FAAH2: variants seen among roughly 807,000 people sequenced by gnomAD.
FAAH2 encodes fatty-acid amide hydrolase 2.
Under a neutral mutation model 36.9 loss-of-function variants are expected in FAAH2, and 60 were observed. The observed-to-expected ratio is 1.63, with a 90% CI of 1.32 to 2.02. FAAH2 has a LOEUF of 2.02. Among genes scored for constraint, FAAH2 ranks in the 30% most tolerant of loss-of-function variants. The pLI, the probability that FAAH2 is intolerant of heterozygous loss-of-function variation, is 0.00. For synonymous variants in FAAH2, 214 were observed against 143.8 expected (o/e 1.49, Z -3.49); for missense variants, 689 against 397.5 (o/e 1.73, Z -6.23).
At chrX:57,392,537 G>C (rs2055191150) in intron 7 of FAAH2, 4 of 776,134 alleles carry the variant, frequency 5.2e-6, no homozygotes, top group Non-Finnish European at 7.6e-6. Flanking sequence ...GATCTTCTGG[G>C]CAGGGGCTGA....
the FAAH2 span, among the ~76,000 whole-genome samples, chrX:57,246,104 C>T: frequency 3.6e-5 from 4 of 111,911 alleles, no homozygotes; most frequent in Non-Finnish European, 3.8e-5. Flanking sequence ...CACCTCTATG[C>T]AAATATACTA....
chrX:57,480,212 A>C (rs919696086), intron 10 of FAAH2, among the ~76,000 whole-genome samples: 16 of 111,728 alleles, frequency 1.4e-4, no homozygotes, highest in African/African-American at 4.9e-4. Context: ...ATTCCTTCTG[A>C]AACTATTCCT....
At chrX:57,350,361 A>G (rs1278052243) in intron 5 of FAAH2, among the ~76,000 whole-genome samples, 2 of 110,432 alleles carry the variant, frequency 1.8e-5, no homozygotes, top group Non-Finnish European at 3.8e-5. Context: ...TCACTAGAAA[A>G]GCAATCACAC....
the FAAH2 span, among the ~76,000 whole-genome samples, chrX:57,201,112 A>G: frequency 2.0e-5 from 2 of 102,239 alleles, no homozygotes; most frequent in Non-Finnish European, 3.9e-5. Context: ...CCTGGCCTGT[A>G]AGGTTTTCAC....
chrX:57,206,847 T>A, the FAAH2 span, among the ~76,000 whole-genome samples: 1 of 112,072 alleles, frequency 8.9e-6, no homozygotes, highest in East Asian at 2.8e-4. Context: ...TTTACCTGAT[T>A]TTTTCTTAAT....
chrX:57,418,079 C>A (rs1201195957), intron 7 of FAAH2, among the ~76,000 whole-genome samples: 1 of 111,429 alleles, frequency 9.0e-6, no homozygotes, highest in Non-Finnish European at 1.9e-5. Context: ...CTCCCTCCCC[C>A]CACCATGCCA....
At position 57,310,734 on chromosome X, in the gene FAAH2, T is replaced by G; in HGVS notation, c.412+5T>G. The G allele has an allele frequency of 8.4e-7, 1 of 1,184,471 alleles. No homozygotes were observed. The highest frequency in any genetic ancestry group is 3.0e-5 in the East Asian group (1 of 33,394). Reference sequence around the variant, plus strand: ...AGGAAGCTTTCCAGCTACAAGGTACTATTCTTTTATTTTTGGCTACATGAG... The same window carrying G: ...AGGAAGCTTTCCAGCTACAAGGTACGATTCTTTTATTTTTGGCTACATGAG... On this transcript the variant is annotated splice_donor_5th_base_variant and intron_variant, in intron 3 of 10. Coordinates refer to ENST00000374900, the MANE Select transcript of FAAH2 (RefSeq NM_174912.4).
At chrX:57,317,949 G>T (rs180837988) in intron 3 of FAAH2, among the ~76,000 whole-genome samples, 17 of 111,707 alleles carry the variant, frequency 1.5e-4, no homozygotes, top group African/African-American at 5.2e-4. Context: ...AAATAAACAT[G>T]TTATTTGAAA....
intron 3 of FAAH2, among the ~76,000 whole-genome samples, chrX:57,330,497 G>A (rs1271084952): frequency 1.8e-5 from 2 of 111,424 alleles, no homozygotes; most frequent in Non-Finnish European, 3.8e-5. Flanking sequence ...TTTTAATTTT[G>A]CCCCGGTCCT....
At chrX:57,280,183 A>G in the FAAH2 span, among the ~76,000 whole-genome samples, 1 of 111,837 alleles carries the variant, frequency 8.9e-6, no homozygotes, top group East Asian at 2.8e-4. Context: ...AAATTGGTCT[A>G]TAGATTCAAT....
chrX:57,169,043 C>T, the FAAH2 span, among the ~76,000 whole-genome samples: 1 of 111,133 alleles, frequency 9.0e-6, no homozygotes, highest in African/African-American at 3.3e-5. Flanking sequence ...AGGGCTTCTT[C>T]CTGACCTGTA....
At chrX:57,186,411 G>GT in the FAAH2 span, among the ~76,000 whole-genome samples, 2 of 111,093 alleles carry the variant, frequency 1.8e-5, no homozygotes, top group Non-Finnish European at 3.8e-5. Flanking sequence ...ATATTTTGAT[G>GT]TTTTTTCTTC....
intron 7 of FAAH2, among the ~76,000 whole-genome samples, chrX:57,384,680 T>C (rs1488823882): frequency 1.8e-5 from 2 of 110,792 alleles, no homozygotes; most frequent in African/African-American, 3.3e-5. Context: ...AAACAACAGG[T>C]GCTGGAGAGG....
At chrX:57,289,012 A>T (rs1188693775) in intron 1 of FAAH2, among the ~76,000 whole-genome samples, 1 of 112,138 alleles carries the variant, frequency 8.9e-6, no homozygotes, top group Non-Finnish European at 1.9e-5. Context: ...ACTGCAAAAC[A>T]ACTAAATTTC....
At chrX:57,306,212 C>A (rs1176798700) in intron 2 of FAAH2, among the ~76,000 whole-genome samples, 1 of 111,688 alleles carries the variant, frequency 9.0e-6, no homozygotes, top group Non-Finnish European at 1.9e-5. Flanking sequence ...AAAAAGTGTC[C>A]TTTTCCCCAA....
intron 1 of FAAH2, chrX:57,290,450 A>C: frequency 5.4e-6 from 1 of 184,721 alleles, no homozygotes; most frequent in Non-Finnish European, 8.4e-6. Context: ...TCTAAAGGAC[A>C]AGTAGAGTTA....
At chrX:57,378,603 G>A (rs1362746514) in intron 5 of FAAH2, 48 bp from the exon 6 acceptor site, 1 of 1,196,378 alleles carries the variant, frequency 8.4e-7, no homozygotes, top group South Asian at 1.8e-5. Flanking sequence ...CAACATGCAG[G>A]GATCATGTCT....
chrX:57,395,773 T>C (rs951569891), intron 7 of FAAH2, among the ~76,000 whole-genome samples: 2 of 112,220 alleles, frequency 1.8e-5, no homozygotes, highest in African/African-American at 6.5e-5. Context: ...TGTGGATTTA[T>C]GCATCAGTAT....
At chrX:57,151,515 C>A in the FAAH2 span, among the ~76,000 whole-genome samples, 1 of 111,625 alleles carries the variant, frequency 9.0e-6, no homozygotes, top group East Asian at 2.8e-4. Context: ...TTCATTTCAT[C>A]TTCCATCGTT....
Sources: allele counts gnomAD v4.1 joint callset (sites outside exome capture counted in the v4.1 genomes callset), GRCh38; gene constraint gnomAD v4.1.1; transcripts MANE v1.5; gene names NCBI Gene and HGNC (gene_info 2026-07-23, HGNC 2026-07-21).